FHIT: variants seen among roughly 807,000 people sequenced by gnomAD.
FHIT encodes the protein fragile histidine triad diadenosine triphosphatase.
A neutral mutation model predicts 17.9 loss-of-function variants in FHIT; 19 were observed. The observed-to-expected ratio is 1.06, with a 90% CI of 0.74 to 1.56. The LOEUF (loss-of-function observed/expected upper bound fraction) is 1.56. Among genes scored for constraint, FHIT ranks in the 40% most tolerant of loss-of-function variants. The pLI is 0.00. For missense variants in FHIT, 248 were observed against 189.2 expected, an observed-to-expected ratio of 1.31 and a Z score of -1.82; for synonymous variants, 81 against 69.7, an observed-to-expected ratio of 1.16 and a Z score of -0.81.
chr3:60,295,742 CTG>C (rs2106682738), intron 5 of FHIT, among the ~76,000 whole-genome samples: 1 of 152,222 alleles, frequency 6.6e-6, no homozygotes, highest in Non-Finnish European at 1.5e-5. Context: ...TCAAGCGTGA[CTG>C]TATCATTTTA....
chr3:59,843,104 A>T, intron 8 of FHIT, among the ~76,000 whole-genome samples: 1 of 152,158 alleles, frequency 6.6e-6, no homozygotes. Flanking sequence ...GAATGTACCT[A>T]ACATTAATTG....
intron 5 of FHIT, among the ~76,000 whole-genome samples, chr3:60,407,566 G>T (rs1559888961): frequency 6.6e-6 from 1 of 152,138 alleles, no homozygotes; most frequent in Non-Finnish European, 1.5e-5. Flanking sequence ...CCAAGCTGGA[G>T]TGCAGTGGCA....
At chr3:60,922,016 G>A (rs1553768522) in intron 3 of FHIT, among the ~76,000 whole-genome samples, 1 of 152,180 alleles carries the variant, frequency 6.6e-6, no homozygotes, top group East Asian at 1.9e-4. Context: ...CCTGCAGCAG[G>A]GAGATACCTG....
intron 5 of FHIT, among the ~76,000 whole-genome samples, chr3:60,132,886 T>C (rs995574316): frequency 1.3e-5 from 2 of 152,212 alleles, no homozygotes; most frequent in Non-Finnish European, 2.9e-5. Flanking sequence ...TTTATCACAT[T>C]TGAGTGATCT....
At chr3:60,174,025 T>G (rs213419) in intron 5 of FHIT, among the ~76,000 whole-genome samples, 37,380 of 148,256 alleles carry the variant, frequency 0.25, 5,567 homozygotes, top group Middle Eastern at 0.36. Flanking sequence ...GTGATTCTCC[T>G]GCTTCAGCCT....
chr3:59,925,378 T>C (rs1380664966), intron 7 of FHIT, among the ~76,000 whole-genome samples: 4 of 152,150 alleles, frequency 2.6e-5, no homozygotes, highest in Non-Finnish European at 1.5e-5. Context: ...GTAGCTGAGA[T>C]TATAGGTGTG....
At chr3:61,128,921 C>T (rs560411840) in intron 2 of FHIT, among the ~76,000 whole-genome samples, 14 of 152,190 alleles carry the variant, frequency 9.2e-5, no homozygotes, top group South Asian at 2.1e-4. Context: ...ATGCTTCCTA[C>T]GTGAAATATG....
At chr3:60,591,170 A>G (rs566150009) in intron 4 of FHIT, among the ~76,000 whole-genome samples, 1 of 152,090 alleles carries the variant, frequency 6.6e-6, no homozygotes, top group Non-Finnish European at 1.5e-5. Flanking sequence ...CCACAAACTA[A>G]AACATATTTT....
At chr3:59,775,129 T>C (rs555645176) in intron 8 of FHIT, among the ~76,000 whole-genome samples, 3 of 152,204 alleles carry the variant, frequency 2.0e-5, no homozygotes, top group African/African-American at 7.2e-5. Flanking sequence ...GCATCAATCA[T>C]TCCACAGAGC....
chr3:59,964,591 C>T (rs1445112025), intron 7 of FHIT, among the ~76,000 whole-genome samples: 1 of 152,078 alleles, frequency 6.6e-6, no homozygotes, highest in East Asian at 1.9e-4. Flanking sequence ...AATTATTTAT[C>T]ACATGCCCCC....
chr3:60,383,251 G>C (rs1383967608), intron 5 of FHIT, among the ~76,000 whole-genome samples: 1 of 152,120 alleles, frequency 6.6e-6, no homozygotes, highest in African/African-American at 2.4e-5. Context: ...TGTGACCACT[G>C]GGTGAGATCT....
At chr3:61,099,946 A>C (rs563937114) in intron 2 of FHIT, among the ~76,000 whole-genome samples, 27 of 152,224 alleles carry the variant, frequency 1.8e-4, no homozygotes, top group African/African-American at 6.5e-4. Context: ...GAATGTATGA[A>C]GGTTCCCGAA....
chr3:61,031,651 C>T (rs950143572), intron 3 of FHIT, among the ~76,000 whole-genome samples: 1 of 152,084 alleles, frequency 6.6e-6, no homozygotes, highest in Admixed American at 6.6e-5. Context: ...ACATTTTACC[C>T]ACAAGTGAGA....
intron 3 of FHIT, among the ~76,000 whole-genome samples, chr3:60,906,489 C>T (rs534216087): frequency 8.5e-5 from 13 of 152,194 alleles, no homozygotes; most frequent in African/African-American, 1.9e-4. Context: ...ACCCACCTAG[C>T]GGCCAAAACT....
chr3:60,312,359 CT>C (rs1485520598), intron 5 of FHIT, among the ~76,000 whole-genome samples: 2 of 152,036 alleles, frequency 1.3e-5, no homozygotes, highest in Non-Finnish European at 2.9e-5. Context: ...CTAGGCTGGT[CT>C]CGAACTCCTG....
Position 60,995,348 on chromosome 3 carries a change from AATAACT to A in FHIT, c.-111+46693_-111+46698del, listed in dbSNP as rs541394490. ...ATAATAATAATAATAATAATAGTTT[AATAACT>A]CTGCTGCTGCCTCAAAGGTCAACAA... On this transcript the variant is annotated intron_variant, in intron 3 of 9. Transcript: ENST00000492590. 1.5e-4 allele frequency among the ~76,000 whole-genome samples: 22 copies of A among 151,104 alleles called. No individual in the cohort carries two copies. In the East Asian group the frequency reaches 2.9e-3, roughly 20 times the overall value.
chr3:60,016,174 A>G (rs566090451), intron 5 of FHIT, among the ~76,000 whole-genome samples: 17 of 152,314 alleles, frequency 1.1e-4, no homozygotes, highest in Non-Finnish European at 1.3e-4. Flanking sequence ...GATAACCTTT[A>G]AAGAATTAAA....
chr3:60,470,118 A>T (rs2033015074), intron 5 of FHIT, among the ~76,000 whole-genome samples: 1 of 147,764 alleles, frequency 6.8e-6, no homozygotes, highest in South Asian at 2.2e-4. Context: ...TGACACAAGC[A>T]CTCCTGTGGC....
chr3:60,242,299 C>T (rs572721297), intron 5 of FHIT, among the ~76,000 whole-genome samples: 1 of 152,084 alleles, frequency 6.6e-6, no homozygotes, highest in East Asian at 1.9e-4. Context: ...TGTTTAAAAT[C>T]CTATAATATT....
Sources: gnomAD v4.1 joint callset for allele counts (sites outside exome capture counted in the v4.1 genomes callset) on GRCh38, gnomAD v4.1.1 for gene constraint, MANE v1.5 for transcripts, NCBI Gene and HGNC (gene_info 2026-07-23, HGNC 2026-07-21) for gene names.